MYOF: variants seen among roughly 807,000 people sequenced by gnomAD.
MYOF encodes the protein fer-1-like 3, myoferlin.
Under a neutral mutation model 284.2 loss-of-function variants are expected in MYOF, and 244 were observed. That is an observed-to-expected ratio of 0.86 (90% CI 0.77 to 0.95). The LOEUF (loss-of-function observed/expected upper bound fraction) is 0.95, where lower values mean the gene tolerates loss of function less well. Ranked by LOEUF, MYOF falls within the 40% of genes least tolerant of loss-of-function variation. The pLI is 0.00. For synonymous variants in MYOF, 904 were observed against 919.7 expected (o/e 0.98, Z 0.31); for missense variants, 2,496 against 2,560.6 (o/e 0.97, Z 0.54).
intron 31 of MYOF, among the ~76,000 whole-genome samples, chr10:93,354,273 GA>G (rs1844679204): frequency 1.3e-5 from 2 of 152,242 alleles, no homozygotes; most frequent in South Asian, 4.2e-4. Flanking sequence ...AGCTACTCAG[GA>G]GGCTGAGGCA....
At chr10:93,403,157 G>A (rs1847381271) in intron 9 of MYOF, among the ~76,000 whole-genome samples, 1 of 152,112 alleles carries the variant, frequency 6.6e-6, no homozygotes, top group South Asian at 2.1e-4. Context: ...ATATGACCCA[G>A]TTTGCCTGGG....
In MYOF at chr10:93,329,827, C is replaced by A. The variant is rs367626173; in HGVS notation, c.4819G>T (p.Glu1607Ter). Residue 1607 changes from glutamate (E) to a stop codon, truncating the protein, a stop_gained, in exon 44 of 54, where the codon GAA (glutamate) becomes TAA (stop). Transcript: ENST00000359263. LOFTEE classifies it high-confidence loss of function. ...TCTTGAGGTAAGTAGCAGCTCAGTT[C>A]GTACATCCTAAATAAACAAATGCAA... ...TLNPVFGRMYELSCYLPQEKD... is the reference protein window; with the variant it reads ...TLNPVFGRMY The A allele has an allele frequency of 1.7e-5, 28 of 1,613,948 alleles. No individual in the cohort carries two copies. Among genetic ancestry groups the A allele is most frequent in the Non-Finnish European group, 2.3e-5 (27 of 1,179,934 alleles).
At chr10:93,435,548 C>G (rs1849080147) in intron 3 of MYOF, among the ~76,000 whole-genome samples, 1 of 152,226 alleles carries the variant, frequency 6.6e-6, no homozygotes, top group African/African-American at 2.4e-5. Context: ...TCGTTATTTG[C>G]AAACAAGTGG....
At chr10:93,452,688 A>C (rs531743602) in intron 2 of MYOF, among the ~76,000 whole-genome samples, 78 of 152,252 alleles carry the variant, frequency 5.1e-4, no homozygotes, top group South Asian at 1.5e-3. Flanking sequence ...CATGTACCCT[A>C]GAACTTAAAG....
intron 18 of MYOF, 134 bp downstream of exon 18, chr10:93,388,896 T>C: frequency 8.2e-7 from 1 of 1,216,382 alleles, no homozygotes; most frequent in Non-Finnish European, 1.1e-6. Flanking sequence ...ATCTCCACAG[T>C]CTTTTCCTAT....
chr10:93,378,485 G>A (rs904124219), intron 21 of MYOF, among the ~76,000 whole-genome samples: 9 of 151,714 alleles, frequency 5.9e-5, no homozygotes, highest in African/African-American at 9.7e-5. Flanking sequence ...AACATAAAAT[G>A]ATATTTCAGA....
chr10:93,369,324 G>A (rs2133957447), intron 25 of MYOF, among the ~76,000 whole-genome samples: 1 of 151,930 alleles, frequency 6.6e-6, no homozygotes, highest in African/African-American at 2.4e-5. Context: ...GATTATTACA[G>A]AGTTCTAGTT....
intron 5 of MYOF, among the ~76,000 whole-genome samples, chr10:93,425,395 G>T (rs926153154): frequency 6.6e-6 from 1 of 152,118 alleles, no homozygotes; most frequent in South Asian, 2.1e-4. Flanking sequence ...AAAACACTGA[G>T]AGGGGGTCCG....
At chr10:93,460,705 T>G (rs1435207239) in intron 1 of MYOF, among the ~76,000 whole-genome samples, 6 of 142,930 alleles carry the variant, frequency 4.2e-5, no homozygotes, top group Non-Finnish European at 9.0e-5. Flanking sequence ...AGGCGGAAGT[T>G]GCAGTGAGCC....
At chr10:93,395,837 T>C (rs1356568430) in intron 16 of MYOF, among the ~76,000 whole-genome samples, 1 of 151,496 alleles carries the variant, frequency 6.6e-6, no homozygotes, top group Non-Finnish European at 1.5e-5. Flanking sequence ...AAACCGCTAT[T>C]GGGAAAGAAG....
In MYOF at chr10:93,462,670, G is replaced by A. The variant is rs1404465535; in HGVS notation, c.89-5733C>T. Among the ~76,000 whole-genome samples the A allele has an allele frequency of 5.3e-5, 8 of 151,444 alleles. No individual in the cohort carries two copies. In the East Asian group the frequency reaches 1.4e-3, roughly 26 times the overall value. ...CAATCTCTTTCAAGAAGGAGGCTCT[G>A]ATGTTTATCAAAATGTGTATATGTT... On this transcript the variant is annotated intron_variant, in intron 1 of 53. Coordinates refer to ENST00000359263, the MANE Select transcript of MYOF (RefSeq NM_013451.4).
At position 93,338,718 on chromosome 10, in the gene MYOF, T is replaced by TC. The variant is rs371237281; in HGVS notation, c.4339-806dup. Among the ~76,000 whole-genome samples, 244 of 152,226 alleles carry TC rather than the reference T, an allele frequency of 1.6e-3. No individual in the cohort carries two copies. The Middle Eastern group carries it at 0.027, about 17-fold the overall frequency. ...GGGCATCCAATAAGCTTTCAGAAGT[T>TC]CCCCAGGAGAGTCCAATACGTAGAC... On this transcript the variant is annotated intron_variant, in intron 39 of 53. Coordinates refer to ENST00000359263, the MANE Select transcript of MYOF (RefSeq NM_013451.4).
At chr10:93,398,370 CTTTG>C (rs1847122419) in intron 13 of MYOF, among the ~76,000 whole-genome samples, 1 of 152,174 alleles carries the variant, frequency 6.6e-6, no homozygotes, top group African/African-American at 2.4e-5. Flanking sequence ...CTTGTCCCTG[CTTTG>C]TTTTCTTTGT....
At chr10:93,480,212 C>T (rs2057356628) in intron 1 of MYOF, among the ~76,000 whole-genome samples, 1 of 151,998 alleles carries the variant, frequency 6.6e-6, no homozygotes, top group Non-Finnish European at 1.5e-5. Context: ...AACGTGAGTC[C>T]ATGATATTCA....
intron 17 of MYOF, among the ~76,000 whole-genome samples, chr10:93,391,261 C>T (rs937792893): frequency 6.6e-6 from 1 of 152,216 alleles, no homozygotes. Flanking sequence ...AACTCTCCTT[C>T]TATGTGCTCA....
chr10:93,351,961 C>T lies in MYOF; in HGVS notation c.3482-115G>A, dbSNP rs1459686275. 5 of 940,576 alleles carry T rather than the reference C, an allele frequency of 5.3e-6. No homozygotes were observed. In the African/African-American group the frequency reaches 6.8e-5, roughly 13 times the overall value. 58.3% of individuals were successfully genotyped at this position (940,576 alleles called of 1,614,324 possible). On this transcript the variant is annotated intron_variant, in intron 32 of 53. Transcript: ENST00000359263. ...ATATAATGACAGTGGGCTCTGACCA[C>T]CTGCCTGGAGATAGGGTTTCTAGGG...
At chr10:93,337,674 C>T (rs1007654848) in intron 40 of MYOF, 141 bp downstream of exon 40, 7 of 640,486 alleles carry the variant, frequency 1.1e-5, no homozygotes, top group Non-Finnish European at 1.9e-5. Context: ...TGCAAGAGGG[C>T]TCTCCGGGAA....
intron 51 of MYOF, among the ~76,000 whole-genome samples, chr10:93,312,604 C>A (rs1014585625): frequency 2.0e-5 from 3 of 151,636 alleles, no homozygotes; most frequent in African/African-American, 7.3e-5. Flanking sequence ...AGGTAATCCA[C>A]CTGCCTTGGA....
chr10:93,399,513 T>C lies in MYOF; in HGVS notation c.1118-18A>G, dbSNP rs1262040478. 4 of 1,557,318 alleles carry C rather than the reference T, an allele frequency of 2.6e-6. No homozygotes were observed. Among genetic ancestry groups the C allele is most frequent in the Non-Finnish European group, 3.5e-6 (4 of 1,144,642 alleles). ...ATCATCCACTGGAAGGTAATAGTTA[T>C]ACAGCAGAAATTAAATTCAATTCCC... is the stretch of plus-strand genomic sequence containing the variant. On this transcript the variant is annotated intron_variant, in intron 12 of 53. Transcript: ENST00000359263.
Sources: allele counts gnomAD v4.1 joint callset (sites outside exome capture counted in the v4.1 genomes callset), GRCh38; gene constraint gnomAD v4.1.1; transcripts MANE v1.5; gene names NCBI Gene and HGNC (gene_info 2026-07-23, HGNC 2026-07-21).